Variants in ARHGEF25 observed in about 807,000 individuals in gnomAD.
ARHGEF25 encodes RAC/CDC42 exchange factor.
A neutral mutation model predicts 74.0 loss-of-function variants in ARHGEF25; 42 were observed. That is an observed-to-expected ratio of 0.57 (90% confidence interval 0.44 to 0.73). The LOEUF is 0.73. Among genes scored for constraint, ARHGEF25 ranks in the 30% least tolerant of loss-of-function variants. ARHGEF25 has a pLI of 0.00. For missense variants in ARHGEF25, 645 were observed against 725.5 expected (o/e 0.89, Z 1.27); for synonymous variants, 293 against 278.6 (o/e 1.05, Z -0.51).
At chr12:57,610,508 G>T (rs887688277), upstream of ARHGEF25, 3 of 1,401,690 alleles carry the variant, frequency 2.1e-6, no homozygotes, top group African/African-American at 2.9e-5. Flanking sequence ...TAGGAGAAGG[G>T]GAAGGGGGAG....
At chr12:57,612,726 A>G in intron 1 of ARHGEF25, 4 of 1,447,388 alleles carry the variant, frequency 2.8e-6, no homozygotes, top group Non-Finnish European at 3.6e-6. Context: ...CTGGAGAGCC[A>G]GGCGTTTACC....
intron 14 of ARHGEF25, 141 bp from the exon 15 acceptor site, chr12:57,616,643 A>C (rs1274425394): frequency 1.9e-5 from 19 of 995,698 alleles, no homozygotes; most frequent in Non-Finnish European, 2.0e-5. Context: ...CTCTATTTTA[A>C]CTCTGGAGAA....
rs375372501 is a variant in ARHGEF25, at chr12:57,616,534, G to T, written c.1632+39G>T. On this transcript the variant is annotated intron_variant, in intron 14 of 14. Transcript: ENST00000286494. ...AGCTCCCTCATTGTAGGGATAAAAA[G>T]GGGAGAGCCTCTCTTGTTCTGGGAC... The T allele has an allele frequency of 1.9e-6, 3 of 1,583,664 alleles. No homozygotes were observed. In the African/African-American group the frequency reaches 4.1e-5, roughly 21 times the overall value.
In ARHGEF25 at chr12:57,611,909, C is replaced by T; in HGVS notation, c.15C>T (p.His5=). The T allele has an allele frequency of 2.4e-6, 3 of 1,272,562 alleles. No individual in the cohort carries two copies. The highest frequency in any genetic ancestry group is 3.0e-6 in the Non-Finnish European group (3 of 989,986). 78.8% of individuals were successfully genotyped at this position (1,272,562 alleles called of 1,614,324 possible). A position where few individuals can be genotyped will look rare whatever the true frequency, so the allele number is the denominator to read the frequency against. The change falls in exon 1 of 15, where the codon CAC becomes CAT. Residue 5 remains histidine, a synonymous_variant. Coordinates refer to ENST00000286494, the MANE Select transcript of ARHGEF25 (RefSeq NM_182947.4). This position sits in a 1 kb window ranked among gnomAD's most constrained non-coding sequence, Gnocchi z 4.5. ...GCCCGGGCGCCATGCGGGGGGGGCA[C>T]AAAGGGGGTCGCTGTGCCTGTCCCC... The part of the protein sequence containing the change: MRGG[H]KGGRCACPRV...
In ARHGEF25 at chr12:57,613,484, G is replaced by A. The variant is rs1315333774; in HGVS notation, c.453G>A (p.Glu151=). 6.2e-7 allele frequency: 1 copy of A among 1,614,098 alleles called. No homozygotes were observed. Among genetic ancestry groups the A allele is most frequent in the African/African-American group, 1.3e-5 (1 of 74,940 alleles). Residue 151 remains glutamate, a synonymous_variant, in exon 4 of 15, where the codon GAG becomes GAA. Coordinates refer to ENST00000286494, the MANE Select transcript of ARHGEF25 (RefSeq NM_182947.4). ...ETLSQAPESE[E]EQKKKALERS... The stretch of plus-strand genomic sequence containing the variant: ...TGTCCCAAGCCCCTGAGAGTGAGGA[G>A]GAACAGAAGAAGAAGGCTCTGGAAA...
intron 1 of ARHGEF25, 130 bp from the exon 2 acceptor site, chr12:57,612,800 A>T: frequency 6.7e-7 from 1 of 1,495,482 alleles, no homozygotes; most frequent in Non-Finnish European, 8.9e-7. Flanking sequence ...TCAAATGAGG[A>T]TGGCAAGAGA....
At position 57,611,984 on chromosome 12, in the gene ARHGEF25, G is replaced by C. The variant is rs762438869; in HGVS notation, c.90G>C (p.Gly30=). Residue 30 remains glycine, a synonymous_variant, in exon 1 of 15, where the codon GGG becomes GGC. Coordinates refer to ENST00000286494, the MANE Select transcript of ARHGEF25 (RefSeq NM_182947.4). The surrounding 1 kb of genome is among the most constrained non-coding windows in gnomAD (Gnocchi z 4.5). The part of the protein sequence containing the change: ...LAKCGCCFAR[G]GRESYSIAGS... ...AATGCGGCTGCTGCTTCGCCCGGGG[G>C]GGACGTGGTGAGTGCCAGGTCGAGA... 7.6e-7 allele frequency: 1 copy of C among 1,313,540 alleles called. No individual in the cohort carries two copies. The highest frequency in any genetic ancestry group is 9.8e-7 in the Non-Finnish European group (1 of 1,023,538). 81.4% of individuals were successfully genotyped at this position (1,313,540 alleles called of 1,614,324 possible).
chr12:57,614,620 T>A lies in ARHGEF25; in HGVS notation c.816+15T>A. 2 of 1,614,048 alleles carry A rather than the reference T, an allele frequency of 1.2e-6. No homozygotes were observed. The highest frequency in any genetic ancestry group is 1.7e-6 in the Non-Finnish European group (2 of 1,179,992). The stretch of plus-strand genomic sequence containing the variant: ...GCTACTTTGAGGTCAGTAGCTGAGA[T>A]GTCTTGGTGGGAAGGAGGACAGAAC... On this transcript the variant is annotated intron_variant, in intron 8 of 14. Transcript: ENST00000286494. The surrounding 1 kb of genome is among the most constrained non-coding windows in gnomAD (Gnocchi z 4.6).
chr12:57,614,485 C>CCTG lies in ARHGEF25; in HGVS notation c.727-28_727-26dup. 1 of 1,613,992 alleles carries CCTG rather than the reference C, an allele frequency of 6.2e-7. No homozygotes were observed. The highest frequency in any genetic ancestry group is 1.6e-4 in the Middle Eastern group (1 of 6,062). The stretch of plus-strand genomic sequence containing the variant: ...AGATGCGTCCTCCCTCCTTGCCCAC[C>CCTG]CTGCTCTCTCTTAAACATTACCCCT... On this transcript the variant is annotated intron_variant, in intron 7 of 14. Coordinates refer to ENST00000286494, the MANE Select transcript of ARHGEF25 (RefSeq NM_182947.4). The surrounding 1 kb of genome is among the most constrained non-coding windows in gnomAD (Gnocchi z 4.6).
rs1884199578 is a variant in ARHGEF25 at position 57,614,622 on chromosome 12, T to C, written c.816+17T>C. ...TACTTTGAGGTCAGTAGCTGAGATG[T>C]CTTGGTGGGAAGGAGGACAGAACTG... On this transcript the variant is annotated intron_variant, in intron 8 of 14. Transcript: ENST00000286494. The surrounding 1 kb of genome is among the most constrained non-coding windows in gnomAD (Gnocchi z 4.6). 1 of 1,613,834 alleles carries C rather than the reference T, an allele frequency of 6.2e-7. No individual in the cohort carries two copies.
upstream of ARHGEF25, chr12:57,610,277 GGCATGCTGCGC>G: frequency 6.3e-7 from 1 of 1,583,404 alleles, no homozygotes; most frequent in Middle Eastern, 1.8e-4. Flanking sequence ...GGTCATGGGG[GGCATGCTGCGC>G]GCATGCGCCC....
Position 57,611,803 on chromosome 12 carries a change from G to A in ARHGEF25, c.-92G>A. ...GCCTGGACCGGGGTAGGAGGGAGGG[G>A]GGGTGTGCGCCCGGCGCCGTCCCCG... is the stretch of plus-strand genomic sequence containing the variant. On this transcript the variant is annotated 5_prime_UTR_variant, in exon 1 of 15. Transcript: ENST00000286494. This position sits in a 1 kb window ranked among gnomAD's most constrained non-coding sequence, Gnocchi z 4.5. 1.7e-6 allele frequency: 2 copies of A among 1,149,852 alleles called. No individual in the cohort carries two copies. The highest frequency in any genetic ancestry group is 2.2e-6 in the Non-Finnish European group (2 of 915,870). The allele number at this position is 1,149,852 out of a possible 1,614,324, so 71.2% of individuals were successfully genotyped here.
In ARHGEF25 at chr12:57,613,778, T is replaced by C; in HGVS notation, c.552+18T>C. ...TTGTGGAGGTAGCTCCCTTTACCCCTTCCCAGCCCCTCCTGCCTGCTTTTC... is the reference window on the plus strand; with the variant it reads ...TTGTGGAGGTAGCTCCCTTTACCCCCTCCCAGCCCCTCCTGCCTGCTTTTC... On this transcript the variant is annotated intron_variant, in intron 5 of 14. Transcript: ENST00000286494. 6.2e-7 allele frequency: 1 copy of C among 1,612,772 alleles called. No individual in the cohort carries two copies. The highest frequency in any genetic ancestry group is 1.3e-5 in the African/African-American group (1 of 74,968).
Position 57,614,422 on chromosome 12 carries a change from C to A in ARHGEF25, c.726+22C>A. On this transcript the variant is annotated intron_variant, in intron 7 of 14. Transcript: ENST00000286494. This position sits in a 1 kb window ranked among gnomAD's most constrained non-coding sequence, Gnocchi z 4.6. ...ACACGTGAGGCTTGAGGGGGCAGGG[C>A]CTGGGGCGGGGCTTAGGAATGGGCT... 1 of 1,614,094 alleles carries A rather than the reference C, an allele frequency of 6.2e-7. No homozygotes were observed. The highest frequency in any genetic ancestry group is 8.5e-7 in the Non-Finnish European group (1 of 1,179,986).
In ARHGEF25 at chr12:57,616,295, C is replaced by T. The variant is rs1223883211; in HGVS notation, c.1432C>T (p.Pro478Ser). 1.2e-6 allele frequency: 2 copies of T among 1,611,910 alleles called. No individual in the cohort carries two copies. The highest frequency in any genetic ancestry group is 1.7e-6 in the Non-Finnish European group (2 of 1,179,570). ...QRDFLNALQS[P>S]IEYQRRESQT... ...TCTCTTTGCTCCAGCATTGCAGTCA[C>T]CCATTGAGTACCAGAGACGGGAGAG... The change falls in exon 14 of 15, where the codon CCC becomes TCC. Residue 478 changes from proline to serine, a missense_variant. By Grantham distance (74) the Pro-to-Ser change is moderately conservative. Coordinates refer to ENST00000286494, the MANE Select transcript of ARHGEF25 (RefSeq NM_182947.4).
Position 57,614,501 on chromosome 12 carries a change from C to T in ARHGEF25, c.727-15C>T. Reference sequence around the variant, plus strand: ...CTTGCCCACCCTGCTCTCTCTTAAACATTACCCCTGTTAGGAGCGCCGGCT... The same window carrying T: ...CTTGCCCACCCTGCTCTCTCTTAAATATTACCCCTGTTAGGAGCGCCGGCT... On this transcript the variant is annotated splice_polypyrimidine_tract_variant and intron_variant, in intron 7 of 14. Coordinates refer to ENST00000286494, the MANE Select transcript of ARHGEF25 (RefSeq NM_182947.4). The surrounding 1 kb of genome is among the most constrained non-coding windows in gnomAD (Gnocchi z 4.6). 6.2e-7 allele frequency: 1 copy of T among 1,614,112 alleles called. No individual in the cohort carries two copies. The highest frequency in any genetic ancestry group is 1.1e-5 in the South Asian group (1 of 91,086).
At chr12:57,610,732 A>T, upstream of ARHGEF25, 1 of 1,498,010 alleles carries the variant, frequency 6.7e-7, no homozygotes, top group Non-Finnish European at 9.1e-7. Context: ...TCCTGCGCCA[A>T]GTGGCGAATT....
At position 57,614,413 on chromosome 12, in the gene ARHGEF25, G is replaced by A. The variant is rs779200369; in HGVS notation, c.726+13G>A. 5.0e-6 allele frequency: 8 copies of A among 1,614,164 alleles called. No individual in the cohort carries two copies. In the South Asian group the frequency reaches 6.6e-5, roughly 13 times the overall value. On this transcript the variant is annotated intron_variant, in intron 7 of 14. Transcript: ENST00000286494. The surrounding 1 kb of genome is among the most constrained non-coding windows in gnomAD (Gnocchi z 4.6). Reference sequence around the variant, plus strand: ...ATTCATCAAACACGTGAGGCTTGAGGGGGCAGGGCCTGGGGCGGGGCTTAG... The same window carrying A: ...ATTCATCAAACACGTGAGGCTTGAGAGGGCAGGGCCTGGGGCGGGGCTTAG...
rs754473725 is a variant in ARHGEF25 at position 57,613,345 on chromosome 12, G to T, written c.394G>T (p.Gly132Ter). ...GCTGACCACACTGTTGGAGGGCCCTGGAGATAAGACGCAGGTGTGAGGACA... is the reference window on the plus strand; with the variant it reads ...GCTGACCACACTGTTGGAGGGCCCTTGAGATAAGACGCAGGTGTGAGGACA... ...TLLTTLLEGP[G>*]DKTQPPEEET... The change falls in exon 3 of 15, where the codon GGA becomes TGA. Residue 132 changes from glycine to a stop codon, truncating the protein, a stop_gained. Transcript: ENST00000286494. LOFTEE classifies it high-confidence loss of function. 6.2e-7 allele frequency: 1 copy of T among 1,614,236 alleles called. No individual in the cohort carries two copies. The highest frequency in any genetic ancestry group is 8.5e-7 in the Non-Finnish European group (1 of 1,180,038).
Sources: allele counts gnomAD v4.1 joint callset, GRCh38; gene constraint gnomAD v4.1.1; non-coding constraint Gnocchi (gnomAD v3.1); transcripts MANE v1.5; gene names NCBI Gene and HGNC (gene_info 2026-07-23, HGNC 2026-07-21).